The following MED15 variants were observed in gnomAD, a reference collection of about 807,000 sequenced individuals.
MED15 encodes mediator of RNA polymerase II transcription subunit 15.
Under a neutral mutation model 118.7 loss-of-function variants are expected in MED15, and 41 were observed. The observed-to-expected ratio is 0.35, with a 90% CI of 0.27 to 0.45. The LOEUF (loss-of-function observed/expected upper bound fraction) is 0.45, where lower values mean the gene tolerates loss of function less well. Among genes scored for constraint, MED15 ranks in the 20% least tolerant of loss-of-function variants. The pLI is 1.00. For synonymous variants in MED15, 436 were observed against 413.9 expected (o/e 1.05, Z -0.65); for missense variants, 740 against 1,025.5 (o/e 0.72, Z 3.80).
At position 20,587,584 on chromosome 22, in the gene MED15, C is replaced by T. The variant is rs1352964555; in HGVS notation, c.*880C>T. 2 of 448,950 alleles carry T rather than the reference C, an allele frequency of 4.5e-6. No homozygotes were observed. Among genetic ancestry groups the T allele is most frequent in the Non-Finnish European group, 7.3e-6 (2 of 272,166 alleles). The allele number at this position is 448,950 out of a possible 1,614,324, so 27.8% of individuals were successfully genotyped here. ...CCCCTTTTTATGTGCACTACCCCAC[C>T]ATCTGTGATTATAATAAATTTATTA... On this transcript the variant is annotated 3_prime_UTR_variant, in exon 18 of 18. Transcript: ENST00000263205.
intron 2 of MED15, among the ~76,000 whole-genome samples, chr22:20,544,715 A>C (rs2055456708): frequency 6.6e-6 from 1 of 152,088 alleles, no homozygotes; most frequent in African/African-American, 2.4e-5. Flanking sequence ...TCAAGGCCAG[A>C]TGTTCAAAGT....
chr22:20,585,444 A>G, intron 16 of MED15, 177 bp downstream of exon 16: 1 of 863,182 alleles, frequency 1.2e-6, no homozygotes, highest in Non-Finnish European at 1.8e-6. Context: ...GCCATGCCTC[A>G]GTCCCCACTG....
chr22:20,559,717 A>G (rs562965789), intron 5 of MED15, among the ~76,000 whole-genome samples: 1 of 152,364 alleles, frequency 6.6e-6, no homozygotes, highest in East Asian at 1.9e-4. Context: ...TCACATTTGT[A>G]TGCCAGCAAG....
At chr22:20,548,959 A>ATGTT (rs550217743) in intron 2 of MED15, among the ~76,000 whole-genome samples, 318 of 152,076 alleles carry the variant, frequency 2.1e-3, no homozygotes, top group African/African-American at 3.9e-3. Context: ...CACCAGGGTA[A>ATGTT]TGTTTGTTTG....
In MED15 at chr22:20,555,202, A is replaced by G. The variant is rs182039752; in HGVS notation, c.451+54A>G. Reference sequence around the variant, plus strand: ...CCGCTTTCCTTGCAAACGACAACACATTTTATTCCTGTGCTTATGATGGTA... The same window carrying G: ...CCGCTTTCCTTGCAAACGACAACACGTTTTATTCCTGTGCTTATGATGGTA... On this transcript the variant is annotated intron_variant, in intron 5 of 17. Transcript: ENST00000263205. 55 of 1,463,788 alleles carry G rather than the reference A, an allele frequency of 3.8e-5. 1 individual carries two copies. The East Asian group carries it at 1.3e-3, about 35-fold the overall frequency. The allele number at this position is 1,463,788 out of a possible 1,614,324, so 90.7% of individuals were successfully genotyped here.
chr22:20,574,809 C>G, intron 8 of MED15: 1 of 302,790 alleles, frequency 3.3e-6, no homozygotes, highest in Non-Finnish European at 6.4e-6. Context: ...GGATTCTGAT[C>G]TGTTAGCGAG....
At chr22:20,575,398 C>T (rs1435302516) in intron 9 of MED15, among the ~76,000 whole-genome samples, 166 bp downstream of exon 9, 4 of 151,682 alleles carry the variant, frequency 2.6e-5, no homozygotes, top group Non-Finnish European at 5.9e-5. Context: ...GAAGCCAAGC[C>T]CAGCTTGTGC....
rs553456108 is a variant in MED15 at position 20,580,683 on chromosome 22, G to A, written c.1273-1928G>A. Among the ~76,000 whole-genome samples, 4 of 152,256 alleles carry A rather than the reference G, an allele frequency of 2.6e-5. No individual in the cohort carries two copies. In the East Asian group the frequency reaches 7.7e-4, roughly 29 times the overall value. On this transcript the variant is annotated intron_variant, in intron 9 of 17. Transcript: ENST00000263205. Reference sequence around the variant, plus strand: ...TCTGTATGGAATTTTCTGGCCTTGGGATTTTGTTGACACCTGGATAAGTCT... The same window carrying A: ...TCTGTATGGAATTTTCTGGCCTTGGAATTTTGTTGACACCTGGATAAGTCT...
chr22:20,586,797 T>A lies in MED15; in HGVS notation c.*93T>A, dbSNP rs746981439. ...TAGGTGTTGGCTTCCTTAGAGAGCC[T>A]GGGGTTAGGTTAGCTTTCCTGCTTT... On this transcript the variant is annotated 3_prime_UTR_variant, in exon 18 of 18. Coordinates refer to ENST00000263205, the MANE Select transcript of MED15 (RefSeq NM_001003891.3). 18 of 1,523,900 alleles carry A rather than the reference T, an allele frequency of 1.2e-5. No individual in the cohort carries two copies. Among genetic ancestry groups the A allele is most frequent in the Non-Finnish European group, 1.6e-5 (18 of 1,129,730 alleles). 94.4% of individuals were successfully genotyped at this position (1,523,900 alleles called of 1,614,324 possible). A position where few individuals can be genotyped will look rare whatever the true frequency, so the allele number is the denominator to read the frequency against.
intron 1 of MED15, among the ~76,000 whole-genome samples, chr22:20,517,181 T>A (rs2054284176): frequency 1.3e-5 from 2 of 152,008 alleles, no homozygotes; most frequent in African/African-American, 4.8e-5. Context: ...CAAGTGAGCC[T>A]CCTGCCTTTG....
At position 20,586,641 on chromosome 22, in the gene MED15, G is replaced by C. The variant is rs770935643; in HGVS notation, c.2304G>C (p.Ser768=). ...SRLLQLPDKH[S]VTALLNTWAQ... is the part of the protein sequence containing the mutation. ...TGCTGCAGCTCCCGGACAAGCACTC[G>C]GTCACCGCCTTGCTCAACACCTGGG... The change falls in exon 18 of 18, where the codon TCG becomes TCC. Residue 768 remains serine (S), a synonymous_variant. Coordinates refer to ENST00000263205, the MANE Select transcript of MED15 (RefSeq NM_001003891.3). The C allele has an allele frequency of 1.2e-6, 2 of 1,612,838 alleles. No homozygotes were observed. Among genetic ancestry groups the C allele is most frequent in the African/African-American group, 2.7e-5 (2 of 74,918 alleles).
At chr22:20,581,009 G>A (rs1429033280) in intron 9 of MED15, among the ~76,000 whole-genome samples, 1 of 152,226 alleles carries the variant, frequency 6.6e-6, no homozygotes, top group Non-Finnish European at 1.5e-5. Context: ...AAAGCAGTGG[G>A]AACAGTCCAT....
chr22:20,578,999 C>A (rs578170083), intron 9 of MED15, among the ~76,000 whole-genome samples: 1 of 152,346 alleles, frequency 6.6e-6, no homozygotes, highest in African/African-American at 2.4e-5. Flanking sequence ...GGATTCTGTG[C>A]TGGGTGCATT....
intron 5 of MED15, among the ~76,000 whole-genome samples, chr22:20,556,773 T>A (rs2056028659): frequency 6.6e-6 from 1 of 152,198 alleles, no homozygotes; most frequent in Admixed American, 6.5e-5. Flanking sequence ...GCGCCCTCCC[T>A]CCAGCCTTAA....
chr22:20,545,836 A>G (rs1259114557), intron 2 of MED15, among the ~76,000 whole-genome samples: 1 of 152,178 alleles, frequency 6.6e-6, no homozygotes, highest in African/African-American at 2.4e-5. Context: ...TTCAAAATCT[A>G]TTAGGAAAAC....
intron 8 of MED15, among the ~76,000 whole-genome samples, chr22:20,572,314 G>A (rs556609390): frequency 6.6e-5 from 10 of 152,366 alleles, no homozygotes; most frequent in East Asian, 5.8e-4. Flanking sequence ...GAGCTGCCGC[G>A]TGCTGCGGAA....
Position 20,585,087 on chromosome 22 carries a change from T to A in MED15, c.1965-14T>A. ...CCGCGTGTGCCAGGTGTGGTCACCA[T>A]GCCGCCTCCCCAGGGCCCCAGTGGT... is the stretch of plus-strand genomic sequence containing the variant. On this transcript the variant is annotated splice_polypyrimidine_tract_variant and intron_variant, in intron 15 of 17. Transcript: ENST00000263205. 1 of 1,613,428 alleles carries A rather than the reference T, an allele frequency of 6.2e-7. No homozygotes were observed. The highest frequency in any genetic ancestry group is 8.5e-7 in the Non-Finnish European group (1 of 1,179,774).
chr22:20,507,964 CG>C, intron 1 of MED15: 1 of 1,437,160 alleles, frequency 7.0e-7, no homozygotes, highest in Non-Finnish European at 9.1e-7. Flanking sequence ...TGCAAACCAA[CG>C]AGCCCTGGCT....
At chr22:20,583,076 G>A in intron 11 of MED15, 37 bp from the exon 12 acceptor site, 2 of 1,560,620 alleles carry the variant, frequency 1.3e-6, no homozygotes, top group Non-Finnish European at 1.7e-6. Flanking sequence ...CCACCCGAGG[G>A]TCGAGGGCTG....
Sources: allele counts gnomAD v4.1 joint callset (sites outside exome capture counted in the v4.1 genomes callset), GRCh38; gene constraint gnomAD v4.1.1; transcripts MANE v1.5; gene names NCBI Gene and HGNC (gene_info 2026-07-23, HGNC 2026-07-21).